The following PCDHA1 variants were observed in gnomAD, a reference collection of about 807,000 sequenced individuals.
The protein encoded by PCDHA1 is protocadherin alpha-1.
In PCDHA1, 42 loss-of-function variants were observed where a neutral mutation model predicts 61.3. The ratio of observed to expected loss-of-function variants is 0.69; its 90% confidence interval spans 0.54 to 0.89. The LOEUF (loss-of-function observed/expected upper bound fraction) is 0.89, where lower values mean the gene tolerates loss of function less well. PCDHA1 is among the 40% of genes least tolerant of loss of function. The pLI, the probability that PCDHA1 is intolerant of heterozygous loss-of-function variation, is 0.00. For synonymous variants in PCDHA1, 610 were observed against 553.8 expected (o/e 1.10, Z -1.43); for missense variants, 1,256 against 1,235.3 (o/e 1.02, Z -0.25).
intron 1 of PCDHA1, among the ~76,000 whole-genome samples, chr5:140,937,621 GAAAA>G (rs1276369305): frequency 1.4e-5 from 2 of 142,038 alleles, no homozygotes; most frequent in Non-Finnish European, 3.1e-5. Context: ...CATCTAAAAA[GAAAA>G]AGAAAGGCAG....
At chr5:141,008,206 G>A (rs979113429) in intron 3 of PCDHA1, among the ~76,000 whole-genome samples, 1 of 152,184 alleles carries the variant, frequency 6.6e-6, no homozygotes, top group African/African-American at 2.4e-5. Flanking sequence ...TAATGAACTT[G>A]ACATGAGTTA....
chr5:140,885,152 T>C (rs1182560213), intron 1 of PCDHA1, among the ~76,000 whole-genome samples: 1 of 152,206 alleles, frequency 6.6e-6, no homozygotes, highest in African/African-American at 2.4e-5. Context: ...CTGTTTTGAT[T>C]GTCTCTACTT....
At chr5:140,792,312 T>A (rs1204654295) in intron 1 of PCDHA1, among the ~76,000 whole-genome samples, 1 of 152,194 alleles carries the variant, frequency 6.6e-6, no homozygotes, top group African/African-American at 2.4e-5. Flanking sequence ...TGGCCTTCTG[T>A]AATCTAGGAT....
At chr5:140,897,874 T>C (rs541496059) in intron 1 of PCDHA1, among the ~76,000 whole-genome samples, 2,161 of 152,206 alleles carry the variant, frequency 0.014, 44 homozygotes, top group African/African-American at 0.049. Context: ...TTTTAATGAT[T>C]GCCATTCTAA....
chr5:140,857,779 T>C (rs2044890811), intron 1 of PCDHA1: 2 of 1,597,506 alleles, frequency 1.3e-6, no homozygotes, highest in Non-Finnish European at 8.6e-7. Context: ...GTGCAGTCAG[T>C]GAGCTGGTGC....
chr5:140,866,332 C>T (rs907104560), intron 1 of PCDHA1: 2 of 152,020 alleles, frequency 1.3e-5, no homozygotes, highest in Non-Finnish European at 2.9e-5. Flanking sequence ...CTGAACTTGG[C>T]CAAAGGATTC....
intron 3 of PCDHA1, among the ~76,000 whole-genome samples, chr5:140,990,194 G>A (rs2097380047): frequency 6.6e-6 from 1 of 152,076 alleles, no homozygotes; most frequent in Non-Finnish European, 1.5e-5. Context: ...ACCAAATGTG[G>A]ACCCGAAAGA....
rs2150155775 is a variant in PCDHA1, at chr5:140,828,477, A to T, written c.2394+39793A>T. The T allele has an allele frequency of 1.4e-5, 22 of 1,613,890 alleles. No homozygotes were observed. The South Asian group carries it at 2.4e-4, about 18-fold the overall frequency. ...GTGGAGGTGAGGGACATTAACGACAACCCGCCCTTGTTCCCGGTAGAGGAA... is the reference window on the plus strand; with the variant it reads ...GTGGAGGTGAGGGACATTAACGACATCCCGCCCTTGTTCCCGGTAGAGGAA... On this transcript the variant is annotated intron_variant, in intron 1 of 3. Coordinates refer to ENST00000504120, the MANE Select transcript of PCDHA1 (RefSeq NM_018900.4).
intron 1 of PCDHA1, chr5:140,829,633 C>A (rs2150171789): frequency 1.7e-5 from 27 of 1,612,154 alleles, no homozygotes; most frequent in South Asian, 1.1e-5. Context: ...ACGCGGAGAG[C>A]GGCAAGGTGT....
chr5:140,805,317 A>T, intron 1 of PCDHA1: 6 of 1,278,578 alleles, frequency 4.7e-6, no homozygotes, highest in Non-Finnish European at 5.9e-6. Flanking sequence ...CCTTTTTTCC[A>T]ATGTGCTTGA....
chr5:140,977,464 T>C (rs1245985019), intron 1 of PCDHA1, among the ~76,000 whole-genome samples: 1 of 152,256 alleles, frequency 6.6e-6, no homozygotes, highest in Non-Finnish European at 1.5e-5. Flanking sequence ...TGATTTGGTC[T>C]GTAGATAATT....
At chr5:140,999,973 C>A (rs1370727292) in intron 3 of PCDHA1, among the ~76,000 whole-genome samples, 2 of 152,082 alleles carry the variant, frequency 1.3e-5, no homozygotes, top group African/African-American at 4.8e-5. Context: ...AGTAGCAGCT[C>A]TAGCGGCCTC....
chr5:141,001,693 G>A (rs1554258280), intron 3 of PCDHA1, among the ~76,000 whole-genome samples: 1 of 152,122 alleles, frequency 6.6e-6, no homozygotes, highest in Admixed American at 6.5e-5. Context: ...CCCACAGATG[G>A]CGAAATAGGG....
At chr5:140,856,766 A>G in intron 1 of PCDHA1, 1 of 1,596,904 alleles carries the variant, frequency 6.3e-7, no homozygotes, top group South Asian at 1.1e-5. Flanking sequence ...TAACGCCCCT[A>G]TCTTTGACAG....
intron 1 of PCDHA1, among the ~76,000 whole-genome samples, chr5:140,918,947 G>T (rs56003): frequency 0.32 from 48,109 of 152,058 alleles, 7,963 homozygotes; most frequent in East Asian, 0.53. Context: ...ATAATATCCT[G>T]AACAGACTAA....
At chr5:140,836,149 A>G in intron 1 of PCDHA1, 1 of 1,613,754 alleles carries the variant, frequency 6.2e-7, no homozygotes, top group Non-Finnish European at 8.5e-7. Flanking sequence ...GGCGCGGGCC[A>G]TGTGGTGGCG....
rs1469484046 is a variant in PCDHA1 at position 141,010,169 on chromosome 5, C to G, written c.*232C>G. ...CTCCACTCTGGCTTGTTTTCAGAAC[C>G]TAAAAAGCAGACCCAAGTTTCCTTT... On this transcript the variant is annotated 3_prime_UTR_variant, in exon 4 of 4. Coordinates refer to ENST00000504120, the MANE Select transcript of PCDHA1 (RefSeq NM_018900.4). 6.4e-7 allele frequency: 1 copy of G among 1,560,124 alleles called. No homozygotes were observed. The highest frequency in any genetic ancestry group is 8.7e-7 in the Non-Finnish European group (1 of 1,151,276).
intron 1 of PCDHA1, chr5:140,928,699 G>C (rs782291734): frequency 1.2e-6 from 2 of 1,614,170 alleles, no homozygotes; most frequent in East Asian, 2.2e-5. Flanking sequence ...CATCTCCCGG[G>C]CGTCTGACTC....
intron 1 of PCDHA1, among the ~76,000 whole-genome samples, chr5:140,903,704 A>G (rs2070513598): frequency 6.6e-6 from 1 of 152,234 alleles, no homozygotes; most frequent in Admixed American, 6.5e-5. Context: ...AAATAGTAAT[A>G]AAATATACAA....
Sources: allele counts gnomAD v4.1 joint callset (sites outside exome capture counted in the v4.1 genomes callset), GRCh38; gene constraint gnomAD v4.1.1; transcripts MANE v1.5; gene names NCBI Gene and HGNC (gene_info 2026-07-23, HGNC 2026-07-21).